The following SLCO6A1 variants were observed in gnomAD, a reference collection of about 807,000 sequenced individuals.
The protein encoded by SLCO6A1 is cancer/testis antigen 48.
In SLCO6A1, 65 loss-of-function variants were observed where a neutral mutation model predicts 72.7. That is an observed-to-expected ratio of 0.89 (90% confidence interval 0.73 to 1.10). SLCO6A1 has a LOEUF of 1.10. Ranked by LOEUF, SLCO6A1 falls within the 50% of genes least tolerant of loss-of-function variation. The pLI, the probability that SLCO6A1 is intolerant of heterozygous loss-of-function variation, is 0.00. For synonymous variants in SLCO6A1, 314 were observed against 298.2 expected, an observed-to-expected ratio of 1.05 and a Z score of -0.55; for missense variants, 874 against 872.6, an observed-to-expected ratio of 1.00 and a Z score of -0.02.
intron 10 of SLCO6A1, 86 bp downstream of exon 10, chr5:102,399,469 T>A: frequency 1.1e-6 from 1 of 910,736 alleles, no homozygotes. Flanking sequence ...ACAGAGTAAA[T>A]TATTTGCTAC....
At chr5:102,378,075 TAA>T (rs1292046144) in intron 12 of SLCO6A1, among the ~76,000 whole-genome samples, 3 of 151,872 alleles carry the variant, frequency 2.0e-5, no homozygotes, top group African/African-American at 7.2e-5. Context: ...ATACAATATA[TAA>T]GTGTACCAAA....
At chr5:102,392,170 A>G (rs1318792140) in intron 10 of SLCO6A1, among the ~76,000 whole-genome samples, 3 of 152,074 alleles carry the variant, frequency 2.0e-5, no homozygotes, top group African/African-American at 7.2e-5. Flanking sequence ...ATTTTGCAAA[A>G]AGTGAGATAA....
chr5:102,385,498 T>C (rs1746362985), intron 12 of SLCO6A1, among the ~76,000 whole-genome samples: 1 of 152,166 alleles, frequency 6.6e-6, no homozygotes, highest in South Asian at 2.1e-4. Flanking sequence ...CTGTTTTGTA[T>C]TCTTTTTTAT....
At chr5:102,452,480 C>T (rs1750469843) in intron 6 of SLCO6A1, among the ~76,000 whole-genome samples, 2 of 152,090 alleles carry the variant, frequency 1.3e-5, no homozygotes, top group South Asian at 2.1e-4. Flanking sequence ...ACTACTTTTA[C>T]ATTTATAACT....
In SLCO6A1 at chr5:102,477,715, C is replaced by T; in HGVS notation, c.763G>A (p.Asp255Asn). Reference sequence around the variant, plus strand: ...GCTGAGTGTGTAGCAACATTCTCATCAATAAAGGTTATTCCAAGGATATAA... The same window carrying T: ...GCTGAGTGTGTAGCAACATTCTCATTAATAAAGGTTATTCCAAGGATATAA... ...PLYILGITFI[D>N]ENVATHSAGI... is the part of the protein sequence containing the mutation. The change falls in exon 3 of 14, where the codon GAT becomes AAT. Residue 255 changes from aspartate to asparagine, a missense_variant. By Grantham distance (23) the Asp-to-Asn change is conservative. Coordinates refer to ENST00000506729, the MANE Select transcript of SLCO6A1 (RefSeq NM_173488.5). 1.2e-6 allele frequency: 2 copies of T among 1,613,550 alleles called. No individual in the cohort carries two copies. Among genetic ancestry groups the T allele is most frequent in the Non-Finnish European group, 1.7e-6 (2 of 1,179,734 alleles).
At position 102,475,666 on chromosome 5, in the gene SLCO6A1, G is replaced by A. The variant is rs369428428; in HGVS notation, c.899+31C>T. 9 of 1,472,442 alleles carry A rather than the reference G, an allele frequency of 6.1e-6. No homozygotes were observed. In the African/African-American group the frequency reaches 1.3e-4, roughly 21 times the overall value. The allele number at this position is 1,472,442 out of a possible 1,614,324, so 91.2% of individuals were successfully genotyped here. A position where few individuals can be genotyped will look rare whatever the true frequency, so the allele number is the denominator to read the frequency against. ...CTATTTAGTAAGTATTTTATACAAT[G>A]TAAACAAAAAAAGAAAAAATAATGC... On this transcript the variant is annotated intron_variant, in intron 4 of 13. Coordinates refer to ENST00000506729, the MANE Select transcript of SLCO6A1 (RefSeq NM_173488.5).
intron 11 of SLCO6A1, among the ~76,000 whole-genome samples, chr5:102,390,345 C>T (rs537426352): frequency 1.3e-5 from 2 of 152,216 alleles, no homozygotes; most frequent in South Asian, 4.1e-4. Flanking sequence ...TAATTTTAAT[C>T]ACACAAGTAG....
chr5:102,390,954 T>C (rs373674242), intron 11 of SLCO6A1, 27 bp downstream of exon 11: 1 of 1,605,046 alleles, frequency 6.2e-7, no homozygotes. Flanking sequence ...CATTTTGATG[T>C]AATAAGAGAT....
intron 9 of SLCO6A1, among the ~76,000 whole-genome samples, chr5:102,400,948 G>C (rs955706218): frequency 1.3e-5 from 2 of 151,942 alleles, no homozygotes; most frequent in African/African-American, 4.8e-5. Flanking sequence ...ACCATTCCAT[G>C]TAGAAAACTT....
intron 3 of SLCO6A1, 145 bp downstream of exon 3, chr5:102,477,531 G>C (rs1751964487): frequency 4.9e-6 from 3 of 607,728 alleles, no homozygotes; most frequent in Non-Finnish European, 8.2e-6. Flanking sequence ...GAATCAATGT[G>C]ATTTGGAGGT....
chr5:102,458,566 C>A lies in SLCO6A1; in HGVS notation c.1022-75G>T. The A allele has an allele frequency of 3.3e-6, 3 of 904,512 alleles. 1 individual carries two copies. In the South Asian group the frequency reaches 5.1e-5, roughly 15 times the overall value. The allele number at this position is 904,512 out of a possible 1,614,324, so 56.0% of individuals were successfully genotyped here. A position where few individuals can be genotyped will look rare whatever the true frequency, so the allele number is the denominator to read the frequency against. ...CCCATACATAAAACCTACATACACA[C>A]CCTAATAAATTCAATTAATCCTGAA... On this transcript the variant is annotated intron_variant, in intron 5 of 13. Coordinates refer to ENST00000506729, the MANE Select transcript of SLCO6A1 (RefSeq NM_173488.5).
At chr5:102,425,293 T>G (rs1001808116) in intron 7 of SLCO6A1, among the ~76,000 whole-genome samples, 3 of 152,010 alleles carry the variant, frequency 2.0e-5, no homozygotes, top group Non-Finnish European at 2.9e-5. Context: ...GAGAAAGAAA[T>G]AAAGCGTATT....
chr5:102,405,477 A>G (rs1017323906), intron 9 of SLCO6A1, among the ~76,000 whole-genome samples: 1 of 152,104 alleles, frequency 6.6e-6, no homozygotes, highest in African/African-American at 2.4e-5. Context: ...TTGAATCACC[A>G]TACATATATC....
intron 6 of SLCO6A1, among the ~76,000 whole-genome samples, chr5:102,442,891 G>A (rs932543183): frequency 8.0e-5 from 12 of 149,158 alleles, no homozygotes; most frequent in Admixed American, 2.0e-4. Context: ...GTGAAACCCC[G>A]TCTCTACTAA....
intron 6 of SLCO6A1, among the ~76,000 whole-genome samples, chr5:102,455,372 T>C (rs927166195): frequency 6.6e-6 from 1 of 152,088 alleles, no homozygotes; most frequent in Non-Finnish European, 1.5e-5. Flanking sequence ...ATAAAATCTG[T>C]ATATGAGAAA....
chr5:102,404,426 C>A (rs773828711), intron 9 of SLCO6A1, among the ~76,000 whole-genome samples: 4 of 152,024 alleles, frequency 2.6e-5, no homozygotes, highest in Non-Finnish European at 5.9e-5. Flanking sequence ...ACCGGGGAGG[C>A]GGAGCTTGCA....
Position 102,373,432 on chromosome 5 carries a change from G to A in SLCO6A1, c.2080C>T (p.Arg694Cys), listed in dbSNP as rs769220825. ...TTIAFFIYKR[R>C]LNENTDFPDV... ...GGGAAGTCAGTGTTCTCATTTAGAC[G>A]ACGTTTGTATATGAAAAATGCAATA... The change falls in exon 13 of 14, where the codon CGT becomes TGT. Residue 694 changes from arginine to cysteine, a missense_variant. Physicochemically the swap from Arg to Cys is radical, Grantham distance 180 (BLOSUM62 -3). Transcript: ENST00000506729. 1.2e-5 allele frequency: 19 copies of A among 1,575,568 alleles called. No homozygotes were observed. Among genetic ancestry groups the A allele is most frequent in the African/African-American group, 5.4e-5 (4 of 73,438 alleles).
chr5:102,454,245 C>A (rs1164333913), intron 6 of SLCO6A1, among the ~76,000 whole-genome samples: 1 of 152,186 alleles, frequency 6.6e-6, no homozygotes, highest in Non-Finnish European at 1.5e-5. Flanking sequence ...TTAGCCTTCA[C>A]TGTTACCAAG....
chr5:102,476,132 C>T (rs1029949827), intron 3 of SLCO6A1, among the ~76,000 whole-genome samples: 1 of 151,800 alleles, frequency 6.6e-6, no homozygotes, highest in Non-Finnish European at 1.5e-5. Flanking sequence ...ATGGGTGCAC[C>T]AAAATCTCAT....
Sources: gnomAD v4.1 joint callset for allele counts (sites outside exome capture counted in the v4.1 genomes callset) on GRCh38, gnomAD v4.1.1 for gene constraint, MANE v1.5 for transcripts, NCBI Gene and HGNC (gene_info 2026-07-23, HGNC 2026-07-21) for gene names.